Variants in NHLRC3 observed in about 807,000 individuals in gnomAD.
NHLRC3 encodes NHL repeat containing 3, also known as NHL repeat-containing protein 3.
Under a neutral mutation model 32.0 loss-of-function variants are expected in NHLRC3, and 23 were observed. That is an observed-to-expected ratio of 0.72 (90% CI 0.52 to 1.02). The LOEUF is 1.02. NHLRC3 is among the 50% of genes least tolerant of loss of function. The pLI is 0.00. For missense variants in NHLRC3, 407 were observed against 406.8 expected (o/e 1.00, Z -0.01); for synonymous variants, 159 against 147.9 (o/e 1.08, Z -0.55).
Position 39,042,132 on chromosome 13 carries a change from A to G in NHLRC3, c.413A>G (p.Tyr138Cys). 2 of 1,607,812 alleles carry G rather than the reference A, an allele frequency of 1.2e-6. No individual in the cohort carries two copies. Among genetic ancestry groups the G allele is most frequent in the Non-Finnish European group, 1.7e-6 (2 of 1,174,450 alleles). ...SGFFGHTVKK[Y>C]SSFGDLVQVL... ...TTCTTTGGTCATACTGTTAAAAAATACAGTTCTTTTGGTGATCTTGTTCAA... is the reference window on the plus strand; with the variant it reads ...TTCTTTGGTCATACTGTTAAAAAATGCAGTTCTTTTGGTGATCTTGTTCAA... The change falls in exon 4 of 7, where the codon TAC becomes TGC. Residue 138 changes from tyrosine to cysteine, a missense_variant. Coordinates refer to ENST00000379600, the MANE Select transcript of NHLRC3 (RefSeq NM_001012754.4).
chr13:39,047,750 G>A lies in NHLRC3; in HGVS notation c.868G>A (p.Val290Met). 6.2e-7 allele frequency: 1 copy of A among 1,613,530 alleles called. No homozygotes were observed. Residue 290 changes from valine (V) to methionine (M), a missense_variant, in exon 7 of 7, where the codon GTG (valine) becomes ATG (methionine). Coordinates refer to ENST00000379600, the MANE Select transcript of NHLRC3 (RefSeq NM_001012754.4). ...SRLSVVAAPP[V>M]GSIGECSVIS... ...GCTCTCAGTCGTAGCAGCACCCCCA[G>A]TGGGAAGCATTGGGGAGTGTTCTGT... is the stretch of plus-strand genomic sequence containing the variant.
In NHLRC3 at chr13:39,041,922, T is replaced by C. The variant is rs1306618989; in HGVS notation, c.386-183T>C. The C allele has an allele frequency of 5.1e-5, 27 of 532,434 alleles. No individual in the cohort carries two copies. In the East Asian group the frequency reaches 8.1e-4, roughly 16 times the overall value. The allele number at this position is 532,434 out of a possible 1,614,324, so 33.0% of individuals were successfully genotyped here. ...TTGGACTAATGGAGATTTTAATTCG[T>C]GATCAAATTTGGCTGTAATTTACGA... is the stretch of plus-strand genomic sequence containing the variant. On this transcript the variant is annotated intron_variant, in intron 3 of 6. Transcript: ENST00000379600.
rs558230340 is a variant in NHLRC3 at position 39,040,613 on chromosome 13, A to G, written c.385+902A>G. 8.5e-5 allele frequency: 13 copies of G among 152,360 alleles called. 1 individual carries two copies. The East Asian group carries it at 2.5e-3, about 29-fold the overall frequency. 9.4% of individuals were successfully genotyped at this position (152,360 alleles called of 1,614,324 possible). Reference sequence around the variant, plus strand: ...ACAATTCACCTGTGGCTGTAGCTTAAGACAAGGCAATACCTGAGATATCCT... The same window carrying G: ...ACAATTCACCTGTGGCTGTAGCTTAGGACAAGGCAATACCTGAGATATCCT... On this transcript the variant is annotated intron_variant, in intron 3 of 6. Coordinates refer to ENST00000379600, the MANE Select transcript of NHLRC3 (RefSeq NM_001012754.4).
At chr13:39,046,982 T>C in intron 5 of NHLRC3, 58 bp from the exon 6 acceptor site, 5 of 1,066,950 alleles carry the variant, frequency 4.7e-6, no homozygotes, top group Non-Finnish European at 7.3e-6. Flanking sequence ...ATAAACATTC[T>C]TTTCCCTTTT....
At position 39,038,616 on chromosome 13, in the gene NHLRC3, C is replaced by G. The variant is rs374796964; in HGVS notation, c.-24C>G. 5.0e-6 allele frequency: 8 copies of G among 1,607,090 alleles called. No individual in the cohort carries two copies. The highest frequency in any genetic ancestry group is 1.7e-4 in the Middle Eastern group (1 of 6,052). Reference sequence around the variant, plus strand: ...CTCCCCCAGACACCTGCGGACCCTCCCTCTCCTGGCTTCCCGTCTGGTCAT... The same window carrying G: ...CTCCCCCAGACACCTGCGGACCCTCGCTCTCCTGGCTTCCCGTCTGGTCAT... On this transcript the variant is annotated 5_prime_UTR_variant, in exon 1 of 7. Transcript: ENST00000379600.
chr13:39,043,926 T>G (rs1389981118), intron 4 of NHLRC3, among the ~76,000 whole-genome samples, 164 bp from the exon 5 acceptor site: 1 of 150,980 alleles, frequency 6.6e-6, no homozygotes, highest in Non-Finnish European at 1.5e-5. Flanking sequence ...AAAAAAAAAC[T>G]GTAAGAAATG....
At position 39,048,991 on chromosome 13, in the gene NHLRC3, A is replaced by C. The variant is rs1344930887; in HGVS notation, c.*1065A>C. 2 of 152,078 alleles carry C rather than the reference A, an allele frequency of 1.3e-5. No homozygotes were observed. Among genetic ancestry groups the C allele is most frequent in the Non-Finnish European group, 2.9e-5 (2 of 67,946 alleles). The allele number at this position is 152,078 out of a possible 1,614,324, so 9.4% of individuals were successfully genotyped here. A position where few individuals can be genotyped will look rare whatever the true frequency, so the allele number is the denominator to read the frequency against. On this transcript the variant is annotated 3_prime_UTR_variant, in exon 7 of 7. Coordinates refer to ENST00000379600, the MANE Select transcript of NHLRC3 (RefSeq NM_001012754.4). ...GATGATAATTTCCTGCTTTCCTCCT[A>C]CATCTTCTCCTCCCACTCCCTCCTT...
chr13:39,047,922 CATA>C lies in NHLRC3; in HGVS notation c.1043_*1del. 1 of 1,592,514 alleles carries C rather than the reference CATA, an allele frequency of 6.3e-7. No homozygotes were observed. Among genetic ancestry groups the C allele is most frequent in the Non-Finnish European group, 8.6e-7 (1 of 1,162,996 alleles). The stretch of plus-strand genomic sequence containing the variant: ...AATAGCTATGTTCCTTCATTTGGTT[CATA>C]ATGTTTCTTTCCTGGGAATATTTCA... On this transcript the variant is annotated stop_lost and inframe_deletion, in exon 7 of 7. Transcript: ENST00000379600.
At chr13:39,044,747 A>G (rs1484744775) in intron 5 of NHLRC3, among the ~76,000 whole-genome samples, 1 of 152,144 alleles carries the variant, frequency 6.6e-6, no homozygotes, top group Non-Finnish European at 1.5e-5. Context: ...ACTCACTACT[A>G]TCTCTTTTGC....
At position 39,039,800 on chromosome 13, in the gene NHLRC3, T is replaced by A. The variant is rs912929846; in HGVS notation, c.385+89T>A. 19 of 862,098 alleles carry A rather than the reference T, an allele frequency of 2.2e-5. 1 individual carries two copies. The Middle Eastern group carries it at 7.2e-4, about 33-fold the overall frequency. 53.4% of individuals were successfully genotyped at this position (862,098 alleles called of 1,614,324 possible). A position where few individuals can be genotyped will look rare whatever the true frequency, so the allele number is the denominator to read the frequency against. ...TTGTATTGTTTAAAATCAGAGTTGC[T>A]GAATCTAATTGTAATTTCTTTAACG... On this transcript the variant is annotated intron_variant, in intron 3 of 6. Coordinates refer to ENST00000379600, the MANE Select transcript of NHLRC3 (RefSeq NM_001012754.4).
chr13:39,044,123 G>A lies in NHLRC3; in HGVS notation c.620G>A (p.Gly207Glu). 2 of 1,613,802 alleles carry A rather than the reference G, an allele frequency of 1.2e-6. No individual in the cohort carries two copies. Residue 207 changes from glycine to glutamate, a missense_variant, in exon 5 of 7, where the codon GGG (glycine) becomes GAG (glutamate). Physicochemically the swap from Gly to Glu is moderately conservative, Grantham distance 98. Transcript: ENST00000379600. ...FMILWLHGENGTGPAKFNIPH... is the reference protein window; with the variant it reads ...FMILWLHGENETGPAKFNIPH... Reference sequence around the variant, plus strand: ...ATCCTTTGGCTGCATGGAGAAAATGGGACAGGGCCTGCTAAGTTCAACATA... The same window carrying A: ...ATCCTTTGGCTGCATGGAGAAAATGAGACAGGGCCTGCTAAGTTCAACATA...
chr13:39,044,151 TCA>T lies in NHLRC3; in HGVS notation c.651_652del (p.His217GlnfsTer5). ...GTGPAKFNIPHSVTLDSAGRV... is the reference protein window; with the variant it reads ...GTGPAKFNIPXSVTLDSAGRV... ...CAGGGCCTGCTAAGTTCAACATACC[TCA>T]CAGTGTTACACTTGATTCAGCTGGT... On this transcript the variant is annotated frameshift_variant, in exon 5 of 7. Transcript: ENST00000379600. LOFTEE classifies it high-confidence loss of function. 2 of 1,613,332 alleles carry T rather than the reference TCA, an allele frequency of 1.2e-6. No individual in the cohort carries two copies. The highest frequency in any genetic ancestry group is 1.7e-6 in the Non-Finnish European group (2 of 1,179,308).
chr13:39,044,398 G>A (rs1408818150), intron 5 of NHLRC3: 5 of 473,920 alleles, frequency 1.1e-5, no homozygotes, highest in Non-Finnish European at 1.8e-5. Context: ...AAGTGTTTGA[G>A]TCCTATAGTG....
chr13:39,044,218 T>G (rs1413136614), intron 5 of NHLRC3, 37 bp downstream of exon 5: 2 of 1,371,178 alleles, frequency 1.5e-6, no homozygotes, highest in Admixed American at 1.7e-5. Flanking sequence ...GGACTTTGTG[T>G]CTGAATATGT....
chr13:39,043,319 T>C lies in NHLRC3; in HGVS notation c.587-771T>C, dbSNP rs116705577. Among the ~76,000 whole-genome samples the C allele has an allele frequency of 4.5e-3, 692 of 152,364 alleles. 9 individuals are homozygous for C. Among genetic ancestry groups the C allele is most frequent in the African/African-American group, 0.016 (670 of 41,586 alleles). ...CAAATTGCCACAAACTGCGTGGCTT[T>C]AAACAACATAAATTTATTCTCACAG... On this transcript the variant is annotated intron_variant, in intron 4 of 6. Transcript: ENST00000379600.
At chr13:39,043,915 A>T (rs1434401034) in intron 4 of NHLRC3, among the ~76,000 whole-genome samples, 175 bp from the exon 5 acceptor site, 1 of 148,080 alleles carries the variant, frequency 6.8e-6, no homozygotes, top group African/African-American at 2.5e-5. Context: ...AAGGAACTTT[A>T]AAAAAAAAAC....
Position 39,039,562 on chromosome 13 carries a change from A to G in NHLRC3, c.238-2A>G, listed in dbSNP as rs1444454599. On this transcript the variant is annotated splice_acceptor_variant, in intron 2 of 6. Transcript: ENST00000379600. LOFTEE classifies it high-confidence loss of function. ...AAGAAGTTATTTTTTGTATACCTTC[A>G]GAGAGGGGATAACATCCCAAAGATA... is the stretch of plus-strand genomic sequence containing the variant. The G allele has an allele frequency of 2.5e-6, 4 of 1,609,340 alleles. No individual in the cohort carries two copies. Among genetic ancestry groups the G allele is most frequent in the Admixed American group, 1.7e-5 (1 of 59,906 alleles).
chr13:39,044,235 GT>G (rs376116325), intron 5 of NHLRC3, 54 bp downstream of exon 5: 17,116 of 758,544 alleles, frequency 0.023, 385 homozygotes, highest in South Asian at 0.042. Flanking sequence ...ATGTTTGTGT[GT>G]GTGTGTGTGT....
chr13:39,039,532 A>G, intron 2 of NHLRC3, 32 bp from the exon 3 acceptor site: 1 of 1,576,288 alleles, frequency 6.3e-7, no homozygotes, highest in Non-Finnish European at 8.7e-7. Flanking sequence ...CTTTAAGCTG[A>G]TCCTAAGAAG....
Sources: allele counts gnomAD v4.1 joint callset (sites outside exome capture counted in the v4.1 genomes callset), GRCh38; gene constraint gnomAD v4.1.1; transcripts MANE v1.5; gene names NCBI Gene and HGNC (gene_info 2026-07-23, HGNC 2026-07-21).